Variants in TENM2 observed in about 807,000 individuals in gnomAD.
The protein encoded by TENM2 is teneurin-2.
In TENM2, 52 loss-of-function variants were observed where a neutral mutation model predicts 245.2. That is an observed-to-expected ratio of 0.21 (90% CI 0.17 to 0.27). TENM2 has a LOEUF of 0.27. Among genes scored for constraint, TENM2 ranks in the 10% least tolerant of loss-of-function variants. TENM2 has a pLI of 1.00. For synonymous variants in TENM2, 1,363 were observed against 1,438.9 expected, an observed-to-expected ratio of 0.95 and a Z score of 1.19; for missense variants, 3,046 against 3,666.8, an observed-to-expected ratio of 0.83 and a Z score of 4.37.
chr5:168,079,843 T>G, intron 7 of TENM2, among the ~76,000 whole-genome samples: 1 of 152,238 alleles, frequency 6.6e-6, no homozygotes, highest in East Asian at 1.9e-4. Flanking sequence ...AGTATTTTAT[T>G]GAGGATTTTT....
chr5:167,528,737 C>G lies in TENM2; in HGVS notation c.502+153264C>G, dbSNP rs190505526. ...GTGTTCAGCGTTCGTAGCTGCTCAGCGACTGATATTATTCTACTCATATCT... is the reference window on the plus strand; with the variant it reads ...GTGTTCAGCGTTCGTAGCTGCTCAGGGACTGATATTATTCTACTCATATCT... On this transcript the variant is annotated intron_variant, in intron 2 of 28. Coordinates refer to ENST00000518659, the Ensembl canonical transcript of TENM2. 2.8e-3 allele frequency among the ~76,000 whole-genome samples: 422 copies of G among 152,222 alleles called. 3 individuals are homozygous for G. The highest frequency in any genetic ancestry group is 9.5e-3 in the African/African-American group (396 of 41,550).
chr5:167,091,749 CTG>C, the TENM2 span, among the ~76,000 whole-genome samples: 9 of 152,108 alleles, frequency 5.9e-5, no homozygotes, highest in Admixed American at 5.2e-4. Context: ...AGGTGACAAA[CTG>C]TTAATTTCCT....
the TENM2 span, chr5:167,116,594 ACCTTTGGG>A: frequency 6.6e-6 from 1 of 151,858 alleles, no homozygotes; most frequent in East Asian, 1.9e-4. Context: ...CCTCACTCCA[ACCTTTGGG>A]TAGCCTGGCT....
At chr5:167,777,116 A>G (rs950247750) in intron 2 of TENM2, among the ~76,000 whole-genome samples, 4 of 152,230 alleles carry the variant, frequency 2.6e-5, no homozygotes, top group Admixed American at 2.6e-4. Flanking sequence ...CTGGCCTACA[A>G]GCTGCATGCT....
chr5:167,375,117 C>G (rs1296641756), intron 1 of TENM2, 81 bp from the exon 4 acceptor site: 1 of 1,439,392 alleles, frequency 6.9e-7, no homozygotes, highest in Non-Finnish European at 9.4e-7. Context: ...GGAAAAGTGG[C>G]TGCTTTTTTG....
intron 19 of TENM2, among the ~76,000 whole-genome samples, chr5:168,209,779 C>A (rs539657788): frequency 6.6e-6 from 1 of 152,182 alleles, no homozygotes; most frequent in Admixed American, 6.5e-5. Flanking sequence ...GTTTTTCCAG[C>A]CCTAACTCTC....
At chr5:166,993,837 A>T in the TENM2 span, among the ~76,000 whole-genome samples, 2 of 152,220 alleles carry the variant, frequency 1.3e-5, no homozygotes, top group Admixed American at 6.5e-5. Context: ...TGTAGGAATT[A>T]TCTAATAATC....
At chr5:167,506,971 C>T (rs74329487) in intron 2 of TENM2, among the ~76,000 whole-genome samples, 3 of 152,258 alleles carry the variant, frequency 2.0e-5, no homozygotes, top group African/African-American at 4.8e-5. Context: ...AATTACCCAA[C>T]AGACTTAAAC....
At chr5:168,261,669 C>A (rs538211737) in intron 28 of TENM2, among the ~76,000 whole-genome samples, 2 of 152,326 alleles carry the variant, frequency 1.3e-5, no homozygotes, top group South Asian at 4.1e-4. Context: ...GGGTCTAAAG[C>A]GGGCAAGGCA....
At chr5:167,954,060 G>T (rs994873557) in intron 4 of TENM2, among the ~76,000 whole-genome samples, 2 of 152,162 alleles carry the variant, frequency 1.3e-5, no homozygotes, top group Non-Finnish European at 2.9e-5. Context: ...TAGTTTAAAA[G>T]AATTGGTACA....
intron 2 of TENM2, among the ~76,000 whole-genome samples, chr5:167,577,256 A>AG (rs1262462673): frequency 2.0e-5 from 3 of 152,082 alleles, no homozygotes; most frequent in African/African-American, 7.2e-5. Flanking sequence ...TTCCAATGAG[A>AG]GGGGGACGTA....
At chr5:167,219,515 T>C in the TENM2 span, among the ~76,000 whole-genome samples, 1 of 152,208 alleles carries the variant, frequency 6.6e-6, no homozygotes, top group Non-Finnish European at 1.5e-5. Context: ...ACCAGCTCTT[T>C]ACAGGGCCAT....
chr5:167,182,341 A>C, the TENM2 span, among the ~76,000 whole-genome samples: 1 of 152,104 alleles, frequency 6.6e-6, no homozygotes, highest in Non-Finnish European at 1.5e-5. Flanking sequence ...TTAAGCATTA[A>C]ATAAATGTTT....
chr5:167,018,675 C>G, the TENM2 span, among the ~76,000 whole-genome samples: 2 of 152,042 alleles, frequency 1.3e-5, no homozygotes, highest in Non-Finnish European at 2.9e-5. Flanking sequence ...TCATTCACCC[C>G]CATTGCCACA....
the TENM2 span, among the ~76,000 whole-genome samples, chr5:167,168,862 C>T: frequency 3.9e-5 from 6 of 152,260 alleles, no homozygotes; most frequent in Non-Finnish European, 7.4e-5. Context: ...TGGATTCAAG[C>T]GATTCTCCTG....
At chr5:167,124,944 G>C in the TENM2 span, among the ~76,000 whole-genome samples, 8 of 152,178 alleles carry the variant, frequency 5.3e-5, no homozygotes, top group Non-Finnish European at 1.0e-4. Flanking sequence ...AAACTGGCTG[G>C]TGGTGCTTTG....
intron 4 of TENM2, among the ~76,000 whole-genome samples, chr5:167,970,599 A>C (rs1781706202): frequency 6.6e-6 from 1 of 152,182 alleles, no homozygotes; most frequent in African/African-American, 2.4e-5. Context: ...TCCATGCTTC[A>C]AGCTCCTAAT....
At chr5:167,499,594 G>A (rs1405579405) in intron 2 of TENM2, among the ~76,000 whole-genome samples, 1 of 152,190 alleles carries the variant, frequency 6.6e-6, no homozygotes, top group African/African-American at 2.4e-5. Context: ...TTTGGGGCAT[G>A]TTTAAAATTC....
chr5:167,184,896 C>A, the TENM2 span, among the ~76,000 whole-genome samples: 1 of 152,172 alleles, frequency 6.6e-6, no homozygotes, highest in South Asian at 2.1e-4. Context: ...AAACACTTAG[C>A]TTTTCCCAGC....
Sources: gnomAD v4.1 joint callset for allele counts (sites outside exome capture counted in the v4.1 genomes callset) on GRCh38, gnomAD v4.1.1 for gene constraint, MANE v1.5 for transcripts, NCBI Gene and HGNC (gene_info 2026-07-23, HGNC 2026-07-21) for gene names.